Variants in NR1I3 observed in about 807,000 individuals in gnomAD.
NR1I3 encodes the protein nuclear receptor subfamily 1 group I member 3.
NR1I3 carries 30 observed loss-of-function variants against 38.4 expected under a neutral mutation model. That is an observed-to-expected ratio of 0.78 (90% CI 0.58 to 1.06). The LOEUF (loss-of-function observed/expected upper bound fraction) is 1.06. NR1I3 is among the 50% of genes least tolerant of loss of function. NR1I3 has a pLI of 0.00. For synonymous variants in NR1I3, 143 were observed against 165.1 expected, an observed-to-expected ratio of 0.87 and a Z score of 1.03; for missense variants, 388 against 435.7, an observed-to-expected ratio of 0.89 and a Z score of 0.97.
intron 8 of NR1I3, 156 bp from the exon 9 acceptor site, chr1:161,230,082 T>C (rs1666785591): frequency 2.3e-6 from 2 of 877,686 alleles, no homozygotes; most frequent in Non-Finnish European, 3.4e-6. Context: ...CTATCAGAGG[T>C]TCCAAAGGTC....
At chr1:161,234,222 C>T (rs1013412567) in intron 3 of NR1I3, among the ~76,000 whole-genome samples, 105 of 150,162 alleles carry the variant, frequency 7.0e-4, no homozygotes, top group South Asian at 3.0e-3. Flanking sequence ...AGGCTGGTCT[C>T]GAACTCCTGA....
At chr1:161,229,986 CT>C in intron 8 of NR1I3, 60 bp from the exon 9 acceptor site, 1 of 1,598,012 alleles carries the variant, frequency 6.3e-7, no homozygotes, top group Non-Finnish European at 8.6e-7. Flanking sequence ...AGTTGGGAGT[CT>C]TGTCTCTAGG....
At position 161,238,166 on chromosome 1, in the gene NR1I3, G is replaced by T. The variant is rs1286995839; in HGVS notation, c.-159C>A. ...GGAGTTGCCAGTGATTGGAGTTAGG[G>T]ATTATGACCCGTAGTATCTGGAAAA... On this transcript the variant is annotated 5_prime_UTR_variant, in exon 1 of 9. Coordinates refer to ENST00000367983, the MANE Select transcript of NR1I3 (RefSeq NM_005122.5). 6.3e-7 allele frequency: 1 copy of T among 1,587,554 alleles called. No homozygotes were observed. The highest frequency in any genetic ancestry group is 1.7e-5 in the Admixed American group (1 of 59,364).
At chr1:161,237,442 T>C (rs72714928) in intron 1 of NR1I3, among the ~76,000 whole-genome samples, 23,254 of 151,594 alleles carry the variant, frequency 0.15, 1,745 homozygotes, top group East Asian at 0.22. Flanking sequence ...GACTTAGGCC[T>C]GGTGCAGTGT....
intron 1 of NR1I3, among the ~76,000 whole-genome samples, chr1:161,237,011 A>G (rs1668737995): frequency 6.8e-6 from 1 of 147,776 alleles, no homozygotes; most frequent in South Asian, 2.1e-4. Context: ...TTTGAGATAG[A>G]GTCTTACTCT....
chr1:161,230,777 T>C, intron 8 of NR1I3, 36 bp downstream of exon 8: 1 of 1,613,518 alleles, frequency 6.2e-7, no homozygotes. Flanking sequence ...CTTCCTGCCC[T>C]GGTGTGGCCT....
In NR1I3 at chr1:161,233,282, C is replaced by A; in HGVS notation, c.295G>T (p.Ala99Ser). ...CTCAGTTGCACAGGTGTTTGCTGTG[C>A]CCGCCGCTGGGCCTGCTTTGCTCGC... ...LRRAKQAQRR[A>S]QQTPVQLSKE... Residue 99 changes from alanine (A) to serine (S), a missense_variant, in exon 4 of 9, where the codon GCA becomes TCA. Physicochemically the swap from Ala to Ser is moderately conservative, Grantham distance 99 (BLOSUM62 1). Transcript: ENST00000367983. 1 of 1,614,122 alleles carries A rather than the reference C, an allele frequency of 6.2e-7. No individual in the cohort carries two copies. The highest frequency in any genetic ancestry group is 8.5e-7 in the Non-Finnish European group (1 of 1,180,030).
chr1:161,235,869 T>TA lies in NR1I3; in HGVS notation c.215dup (p.Leu72PhefsTer37). The TA allele has an allele frequency of 6.2e-7, 1 of 1,614,158 alleles. No homozygotes were observed. The highest frequency in any genetic ancestry group is 8.5e-7 in the Non-Finnish European group (1 of 1,179,990). On this transcript the variant is annotated frameshift_variant, in exon 3 of 9. Transcript: ENST00000367983. LOFTEE classifies it high-confidence loss of function. Reference sequence around the variant, plus strand: ...CACTGTCTTTCCTCATGCCAGCATCTAAGCACTTCTGCAACCTGCAGGCTG... The same window carrying TA: ...CACTGTCTTTCCTCATGCCAGCATCTAAAGCACTTCTGCAACCTGCAGGCTG...
At chr1:161,232,752 G>A in intron 5 of NR1I3, 55 bp downstream of exon 5, 1 of 1,562,892 alleles carries the variant, frequency 6.4e-7, no homozygotes. Context: ...TTTCGGGGTG[G>A]ATATACAATT....
intron 1 of NR1I3, among the ~76,000 whole-genome samples, chr1:161,237,006 GAT>G (rs1668736630): frequency 1.3e-5 from 2 of 150,256 alleles, no homozygotes; most frequent in South Asian, 4.2e-4. Context: ...TGTTTTTTGA[GAT>G]AGAGTCTTAC....
intron 3 of NR1I3, among the ~76,000 whole-genome samples, 163 bp from the exon 4 acceptor site, chr1:161,233,501 T>C (rs568076890): frequency 2.0e-5 from 3 of 152,190 alleles, no homozygotes; most frequent in South Asian, 4.1e-4. Context: ...TCCTAGAGGC[T>C]CCAGGAGGCA....
At chr1:161,230,633 T>G in intron 8 of NR1I3, 180 bp downstream of exon 8, 1 of 776,792 alleles carries the variant, frequency 1.3e-6, no homozygotes, top group South Asian at 1.8e-5. Context: ...AGTATCCAAA[T>G]ACAGCAATTT....
At position 161,233,341 on chromosome 1, in the gene NR1I3, G is replaced by A. The variant is rs1488954074; in HGVS notation, c.239-3C>T. 6.2e-7 allele frequency: 1 copy of A among 1,612,442 alleles called. No individual in the cohort carries two copies. The highest frequency in any genetic ancestry group is 1.7e-5 in the Admixed American group (1 of 59,996). ...CAGGGCTTCTGCCGACAGTATCACT[G>A]TGCCAGGCAAGAGATCATGACAAAG... On this transcript the variant is annotated splice_polypyrimidine_tract_variant and splice_region_variant and intron_variant, in intron 3 of 8. Coordinates refer to ENST00000367983, the MANE Select transcript of NR1I3 (RefSeq NM_005122.5).
chr1:161,231,378 TTG>T lies in NR1I3; in HGVS notation c.643_644del (p.Gln215LysfsTer12). The T allele has an allele frequency of 6.4e-7, 1 of 1,563,038 alleles. No homozygotes were observed. The highest frequency in any genetic ancestry group is 1.2e-5 in the South Asian group (1 of 83,800). On this transcript the variant is annotated frameshift_variant, in exon 6 of 9. Transcript: ENST00000367983. LOFTEE classifies it high-confidence loss of function. ...AGCGAAGAGGCCCGCAGAGGAAGTT[TTG>T]TGTTTGGAGACAGAAAGTGGTATTG... ...VLNTTFCLQT[Q>X]NFLCGPLRYT...
At chr1:161,231,939 G>C (rs1039046143) in intron 5 of NR1I3, among the ~76,000 whole-genome samples, 1 of 152,062 alleles carries the variant, frequency 6.6e-6, no homozygotes, top group Non-Finnish European at 1.5e-5. Context: ...TGGGATTATA[G>C]GTGTGAGCCA....
intron 7 of NR1I3, 77 bp from the exon 8 acceptor site, chr1:161,230,995 G>T (rs1350502477): frequency 1.2e-6 from 2 of 1,612,646 alleles, no homozygotes; most frequent in East Asian, 2.2e-5. Flanking sequence ...ACTGAGGCTG[G>T]GATAGACCTA....
rs973325016 is a variant in NR1I3 at position 161,235,934 on chromosome 1, C to T, written c.151G>A (p.Gly51Arg). The T allele has an allele frequency of 7.4e-6, 12 of 1,612,078 alleles. No individual in the cohort carries two copies. Among genetic ancestry groups the T allele is most frequent in the Non-Finnish European group, 1.0e-5 (12 of 1,179,016 alleles). The change falls in exon 3 of 9, where the codon GGA (glycine) becomes AGA (arginine). Residue 51 changes from glycine to arginine, a missense_variant. Coordinates refer to ENST00000367983, the MANE Select transcript of NR1I3 (RefSeq NM_005122.5). ...KSIGPTCPFA[G>R]SCEVSKTQRR... ...TGAGTCTTGCTGACTTCACAGCTTCCAGCAAAGGGGCAGGTGGGACCAATG... is the reference window on the plus strand; with the variant it reads ...TGAGTCTTGCTGACTTCACAGCTTCTAGCAAAGGGGCAGGTGGGACCAATG...
Position 161,238,202 on chromosome 1 carries a change from C to T in NR1I3, c.-195G>A, listed in dbSNP as rs1282181923. The T allele has an allele frequency of 1.6e-5, 24 of 1,523,264 alleles. No individual in the cohort carries two copies. In the Admixed American group the frequency reaches 4.3e-4, roughly 27 times the overall value. 94.4% of individuals were successfully genotyped at this position (1,523,264 alleles called of 1,614,324 possible). A position where few individuals can be genotyped will look rare whatever the true frequency, so the allele number is the denominator to read the frequency against. ...GTAGTATCTGGAAAACAAGAGATGT[C>T]TGTTTTATGTGGCCTCCAGTTGCTC... On this transcript the variant is annotated 5_prime_UTR_variant, in exon 1 of 9. Coordinates refer to ENST00000367983, the MANE Select transcript of NR1I3 (RefSeq NM_005122.5).
intron 8 of NR1I3, chr1:161,230,549 C>T: frequency 3.5e-6 from 2 of 572,928 alleles, no homozygotes; most frequent in African/African-American, 1.9e-5. Context: ...ATGCTATTAC[C>T]CAGAGCCTCT....
Sources: allele counts gnomAD v4.1 joint callset (sites outside exome capture counted in the v4.1 genomes callset), GRCh38; gene constraint gnomAD v4.1.1; transcripts MANE v1.5; gene names NCBI Gene and HGNC (gene_info 2026-07-23, HGNC 2026-07-21).